The following LIMD1 variants were observed in gnomAD, a reference collection of about 807,000 sequenced individuals.
The protein encoded by LIMD1 is LIM domain-containing protein 1.
A neutral mutation model predicts 58.4 loss-of-function variants in LIMD1; 23 were observed. That is an observed-to-expected ratio of 0.39 (90% CI 0.28 to 0.56). LIMD1 has a LOEUF of 0.56. Among genes scored for constraint, LIMD1 ranks in the 20% least tolerant of loss-of-function variants. The pLI is 0.57. For missense variants in LIMD1, 838 were observed against 855.5 expected (o/e 0.98, Z 0.25); for synonymous variants, 334 against 345.5 (o/e 0.97, Z 0.37).
At chr3:45,644,472 A>G (rs1701880500) in intron 2 of LIMD1, among the ~76,000 whole-genome samples, 1 of 152,158 alleles carries the variant, frequency 6.6e-6, no homozygotes, top group South Asian at 2.1e-4. Flanking sequence ...AATTTTGGGT[A>G]AGCTTTCTAG....
At chr3:45,620,894 G>C (rs1388718145) in intron 1 of LIMD1, among the ~76,000 whole-genome samples, 2 of 152,164 alleles carry the variant, frequency 1.3e-5, no homozygotes, top group Admixed American at 6.5e-5. Flanking sequence ...AAGTGATCAA[G>C]TTAACACCAG....
At chr3:45,662,616 C>G (rs1433146244) in intron 2 of LIMD1, among the ~76,000 whole-genome samples, 1 of 152,018 alleles carries the variant, frequency 6.6e-6, no homozygotes, top group African/African-American at 2.4e-5. Flanking sequence ...CCTTCCTTCC[C>G]TAGGGCAGCT....
chr3:45,664,000 A>G (rs770744242), intron 2 of LIMD1, among the ~76,000 whole-genome samples: 1 of 150,316 alleles, frequency 6.7e-6, no homozygotes, highest in Non-Finnish European at 1.5e-5. Flanking sequence ...TCTCCCAAGT[A>G]GCTGGGGTTA....
At chr3:45,667,092 A>G (rs1697530543) in intron 3 of LIMD1, among the ~76,000 whole-genome samples, 1 of 152,180 alleles carries the variant, frequency 6.6e-6, no homozygotes, top group Non-Finnish European at 1.5e-5. Flanking sequence ...GTCCTATGTG[A>G]TGGCCAGATG....
At chr3:45,604,913 A>G (rs999245436) in intron 1 of LIMD1, among the ~76,000 whole-genome samples, 1 of 152,198 alleles carries the variant, frequency 6.6e-6, no homozygotes, top group Non-Finnish European at 1.5e-5. Flanking sequence ...TGCTCTTTCC[A>G]TTAACAGTCC....
At chr3:45,624,516 G>A (rs113639149) in intron 1 of LIMD1, among the ~76,000 whole-genome samples, 2,988 of 152,072 alleles carry the variant, frequency 0.02, 90 homozygotes, top group African/African-American at 0.068. Flanking sequence ...GACCATCCTG[G>A]CTAAACAGTG....
At chr3:45,623,642 A>G (rs947533076) in intron 1 of LIMD1, among the ~76,000 whole-genome samples, 2 of 152,162 alleles carry the variant, frequency 1.3e-5, no homozygotes, top group African/African-American at 4.8e-5. Context: ...TATGGCCCAT[A>G]GTGGTCTTAA....
chr3:45,635,196 C>T (rs1346291840), intron 1 of LIMD1, among the ~76,000 whole-genome samples: 3 of 152,112 alleles, frequency 2.0e-5, no homozygotes, highest in Admixed American at 6.5e-5. Context: ...CGAGATTGCA[C>T]CACTGCACTC....
At chr3:45,650,583 C>G (rs944429392) in intron 2 of LIMD1, among the ~76,000 whole-genome samples, 2 of 144,678 alleles carry the variant, frequency 1.4e-5, no homozygotes, top group South Asian at 4.4e-4. Flanking sequence ...TGAGAACATG[C>G]GGTATTTGGT....
intron 1 of LIMD1, among the ~76,000 whole-genome samples, chr3:45,614,256 A>T (rs1397482546): frequency 2.0e-5 from 3 of 152,062 alleles, no homozygotes; most frequent in African/African-American, 7.2e-5. Context: ...GGCTGGGCAC[A>T]GTGGCTCATG....
At chr3:45,660,440 G>A (rs1697416861) in intron 2 of LIMD1, among the ~76,000 whole-genome samples, 2 of 137,744 alleles carry the variant, frequency 1.5e-5, no homozygotes, top group African/African-American at 5.5e-5. Flanking sequence ...TCCCGAGACG[G>A]AGTCTCTCTC....
chr3:45,644,342 G>A (rs1001079849), intron 2 of LIMD1, among the ~76,000 whole-genome samples: 3 of 152,100 alleles, frequency 2.0e-5, no homozygotes, highest in African/African-American at 2.4e-5. Context: ...AAATGACCTC[G>A]TCAACCCAGC....
chr3:45,638,404 A>T (rs1359469241), intron 2 of LIMD1, among the ~76,000 whole-genome samples: 3 of 152,204 alleles, frequency 2.0e-5, no homozygotes, highest in African/African-American at 7.2e-5. Context: ...CACACAGTGA[A>T]CATAGTACCC....
Position 45,679,800 on chromosome 3 carries a change from G to C in LIMD1, c.*2741G>C, listed in dbSNP as rs1038678104. On this transcript the variant is annotated 3_prime_UTR_variant, in exon 8 of 8. Transcript: ENST00000273317. ...CAACCCAGTTTGATCTGCAATACAA[G>C]GATCCATTCGTAATCTCTCTCTCAC... 2.0e-5 allele frequency: 3 copies of C among 152,146 alleles called. No individual in the cohort carries two copies. Among genetic ancestry groups the C allele is most frequent in the Admixed American group, 6.5e-5 (1 of 15,290 alleles). 9.4% of individuals were successfully genotyped at this position (152,146 alleles called of 1,614,324 possible). A position where few individuals can be genotyped will look rare whatever the true frequency, so the allele number is the denominator to read the frequency against.
intron 2 of LIMD1, among the ~76,000 whole-genome samples, chr3:45,638,487 C>CT (rs1559520204): frequency 6.6e-6 from 1 of 152,110 alleles, no homozygotes; most frequent in African/African-American, 2.4e-5. Flanking sequence ...CATGATGTCA[C>CT]TTTTTTATGG....
intron 2 of LIMD1, among the ~76,000 whole-genome samples, chr3:45,661,344 C>G (rs752795615): frequency 4.6e-5 from 7 of 152,096 alleles, no homozygotes; most frequent in Non-Finnish European, 8.8e-5. Context: ...ATAACTGTAA[C>G]CCACATACTT....
intron 1 of LIMD1, among the ~76,000 whole-genome samples, chr3:45,597,932 A>G (rs2125646641): frequency 6.6e-6 from 1 of 152,334 alleles, no homozygotes; most frequent in Non-Finnish European, 1.5e-5. Context: ...GGCTGAGGTC[A>G]GGGTAGCTGT....
Position 45,595,970 on chromosome 3 carries a change from C to T in LIMD1, c.1091C>T (p.Ala364Val), listed in dbSNP as rs371029378. The T allele has an allele frequency of 1.4e-5, 22 of 1,614,078 alleles. No homozygotes were observed. The African/African-American group carries it at 1.7e-4, about 13-fold the overall frequency. Residue 364 changes from alanine to valine, a missense_variant, in exon 1 of 8, where the codon GCG becomes GTG. Ala to Val is a moderately conservative substitution (Grantham distance 64, BLOSUM62 0). Around this residue, in one of 3 missense-constraint regions of LIMD1, gnomAD observed 659 missense variants for 639.8 expected, o/e 1.03. Coordinates refer to ENST00000273317, the MANE Select transcript of LIMD1 (RefSeq NM_014240.3). The stretch of plus-strand genomic sequence containing the variant: ...GGTCTGGACGGTTCACAGCAGGGTG[C>T]GGTCCCTGGGCTGGGGCCGAAGCCT... ...PAGLDGSQQG[A>V]VPGLGPKPGC...
intron 1 of LIMD1, among the ~76,000 whole-genome samples, chr3:45,627,606 C>T (rs1427566050): frequency 6.8e-6 from 1 of 147,686 alleles, no homozygotes; most frequent in Non-Finnish European, 1.5e-5. Context: ...ACTTGGTCAA[C>T]ATAGCGAGAA....
Sources: gnomAD v4.1 joint callset for allele counts (sites outside exome capture counted in the v4.1 genomes callset) on GRCh38, gnomAD v4.1.1 for gene constraint, gnomAD v4.1.1 regional missense constraint, MANE v1.5 for transcripts, NCBI Gene and HGNC (gene_info 2026-07-23, HGNC 2026-07-21) for gene names.